Variants in AFAP1L2 observed in about 807,000 individuals in gnomAD.
AFAP1L2 encodes actin filament-associated protein 1-like 2.
A neutral mutation model predicts 99.3 loss-of-function variants in AFAP1L2; 46 were observed. That is an observed-to-expected ratio of 0.46 (90% CI 0.37 to 0.59). The LOEUF (loss-of-function observed/expected upper bound fraction) is 0.59, where lower values mean the gene tolerates loss of function less well. Among genes scored for constraint, AFAP1L2 ranks in the 20% least tolerant of loss-of-function variants. The pLI is 0.00. For missense variants in AFAP1L2, 959 were observed against 1,034.9 expected (o/e 0.93, Z 1.01); for synonymous variants, 397 against 419.1 (o/e 0.95, Z 0.64).
chr10:114,380,565 T>C (rs1170204218), intron 1 of AFAP1L2, among the ~76,000 whole-genome samples: 1 of 152,212 alleles, frequency 6.6e-6, no homozygotes, highest in East Asian at 1.9e-4. Flanking sequence ...AAAGGTCTAA[T>C]AAATGCTTAT....
chr10:114,307,549 G>T (rs2042616348), intron 10 of AFAP1L2, among the ~76,000 whole-genome samples: 2 of 151,748 alleles, frequency 1.3e-5, no homozygotes, highest in South Asian at 4.2e-4. Context: ...ATTTTTAAAA[G>T]AATACTAGGA....
chr10:114,315,516 C>CCA lies in AFAP1L2; in HGVS notation c.612+43_612+44insTG, dbSNP rs397687446. On this transcript the variant is annotated intron_variant, in intron 6 of 18. Transcript: ENST00000304129. ...TCCTTCCCTGTCCCTGCCCCTTCCC[C>CCA]AAGGAGAGGAGTCGGGGGACAAGAC... 5.0e-6 allele frequency: 8 copies of CCA among 1,601,746 alleles called. No homozygotes were observed. In the African/African-American group the frequency reaches 6.7e-5, roughly 13 times the overall value.
intron 2 of AFAP1L2, among the ~76,000 whole-genome samples, chr10:114,333,557 T>C (rs748880511): frequency 6.6e-5 from 10 of 152,096 alleles, no homozygotes; most frequent in Non-Finnish European, 1.3e-4. Flanking sequence ...TAGCTTATGG[T>C]ATAAAAATCC....
At chr10:114,302,249 C>A in intron 12 of AFAP1L2, 90 bp downstream of exon 12, 1 of 1,556,330 alleles carries the variant, frequency 6.4e-7, no homozygotes, top group South Asian at 1.1e-5. Flanking sequence ...GGACCCTGTG[C>A]TCCCTGCTGC....
Position 114,304,933 on chromosome 10 carries a change from G to A in AFAP1L2, c.1073-3C>T. 1 of 1,612,452 alleles carries A rather than the reference G, an allele frequency of 6.2e-7. No individual in the cohort carries two copies. The highest frequency in any genetic ancestry group is 2.2e-5 in the East Asian group (1 of 44,850). On this transcript the variant is annotated splice_region_variant and splice_polypyrimidine_tract_variant and intron_variant, in intron 10 of 18. Transcript: ENST00000304129. ...GTTCACCAGCACGTTCAGGTAACCT[G>A]CAGGAGGAAGTGCAGATGCAGGAGG... is the stretch of plus-strand genomic sequence containing the variant.
At chr10:114,301,656 A>T in intron 12 of AFAP1L2, 191 bp from the exon 13 acceptor site, 1 of 574,452 alleles carries the variant, frequency 1.7e-6, no homozygotes, top group Non-Finnish European at 3.1e-6. Context: ...TCTTCCTGAA[A>T]TTCTTGGTTC....
chr10:114,308,905 G>A lies in AFAP1L2; in HGVS notation c.883-388C>T, dbSNP rs540029750. Among the ~76,000 whole-genome samples the A allele has an allele frequency of 5.9e-5, 9 of 152,348 alleles. No individual in the cohort carries two copies. The East Asian group carries it at 1.7e-3, about 29-fold the overall frequency. ...TCGTCTGCACAGGAGCAGACCATGT[G>A]ATTTGAGTCCTGGCCGGAGCATTCT... On this transcript the variant is annotated intron_variant, in intron 8 of 18. Transcript: ENST00000304129.
rs772652153 is a variant in AFAP1L2 at position 114,296,016 on chromosome 10, G to T, written c.*26C>A. 5.0e-6 allele frequency: 8 copies of T among 1,614,096 alleles called. No homozygotes were observed. The highest frequency in any genetic ancestry group is 5.9e-6 in the Non-Finnish European group (7 of 1,179,986). ...TTGTCACCAAGGTCCACATTGACAT[G>T]AGAGTCTTTAGATGAAGCTTGTTTT... On this transcript the variant is annotated 3_prime_UTR_variant, in exon 19 of 19. Coordinates refer to ENST00000304129, the MANE Select transcript of AFAP1L2 (RefSeq NM_001001936.3).
At chr10:114,349,950 C>G (rs1054285662) in intron 1 of AFAP1L2, among the ~76,000 whole-genome samples, 2 of 152,188 alleles carry the variant, frequency 1.3e-5, no homozygotes, top group South Asian at 2.1e-4. Flanking sequence ...ACTTAAAACA[C>G]TTTCCCCAGG....
chr10:114,354,666 T>A (rs2051052602), intron 1 of AFAP1L2, among the ~76,000 whole-genome samples: 1 of 152,158 alleles, frequency 6.6e-6, no homozygotes, highest in South Asian at 2.1e-4. Flanking sequence ...TTTCTTCTCT[T>A]GGGATTGCAA....
intron 1 of AFAP1L2, among the ~76,000 whole-genome samples, chr10:114,392,990 T>C (rs1314998563): frequency 6.6e-6 from 1 of 152,146 alleles, no homozygotes; most frequent in Non-Finnish European, 1.5e-5. Context: ...AAGGGGCTGA[T>C]TGTCATCCCA....
intron 9 of AFAP1L2, 21 bp downstream of exon 9, chr10:114,308,412 C>T: frequency 6.2e-7 from 1 of 1,607,910 alleles, no homozygotes; most frequent in Non-Finnish European, 8.5e-7. Context: ...CACCATTCCC[C>T]TCCCAACCAC....
intron 1 of AFAP1L2, among the ~76,000 whole-genome samples, chr10:114,355,395 G>A (rs2051206361): frequency 6.6e-6 from 1 of 151,954 alleles, no homozygotes; most frequent in African/African-American, 2.4e-5. Flanking sequence ...ACCACGCCCG[G>A]CTCTCCTCTC....
chr10:114,291,601 G>A (rs2039605473), downstream of AFAP1L2: 2 of 231,082 alleles, frequency 8.7e-6, no homozygotes, highest in South Asian at 1.5e-4. Context: ...TTAGCGGCCT[G>A]ACGTTCCTTT....
chr10:114,337,631 T>A (rs2048178582), intron 2 of AFAP1L2, among the ~76,000 whole-genome samples: 1 of 152,018 alleles, frequency 6.6e-6, no homozygotes, highest in African/African-American at 2.4e-5. Flanking sequence ...TAAGAGCCGA[T>A]CAAGGGCAGA....
At chr10:114,349,777 T>G (rs1018642211) in intron 1 of AFAP1L2, among the ~76,000 whole-genome samples, 1 of 150,380 alleles carries the variant, frequency 6.6e-6, no homozygotes, top group African/African-American at 2.5e-5. Context: ...CTCAAGAAGT[T>G]TTTCTTTATC....
chr10:114,291,143 G>A, downstream of AFAP1L2: 2 of 1,522,412 alleles, frequency 1.3e-6, no homozygotes, highest in African/African-American at 1.4e-5. Flanking sequence ...GACCTGAAGG[G>A]GTCCTCAGAG....
chr10:114,367,553 A>G (rs1301499016), intron 1 of AFAP1L2, among the ~76,000 whole-genome samples: 1 of 152,172 alleles, frequency 6.6e-6, no homozygotes, highest in Non-Finnish European at 1.5e-5. Context: ...GCAGCAAGAA[A>G]CTGACCAATA....
chr10:114,339,942 T>G (rs994284819), intron 2 of AFAP1L2, among the ~76,000 whole-genome samples: 15 of 142,540 alleles, frequency 1.1e-4, no homozygotes, highest in Non-Finnish European at 2.1e-4. Flanking sequence ...ACCTGGGAGG[T>G]GGAGGTTGCA....
Sources: gnomAD v4.1 joint callset for allele counts (sites outside exome capture counted in the v4.1 genomes callset) on GRCh38, gnomAD v4.1.1 for gene constraint, MANE v1.5 for transcripts, NCBI Gene and HGNC (gene_info 2026-07-23, HGNC 2026-07-21) for gene names.